The following CUX1 variants were observed in gnomAD, a reference collection of about 807,000 sequenced individuals.
CUX1 encodes the protein protein CASP.
A neutral mutation model predicts 158.8 loss-of-function variants in CUX1; 31 were observed. The observed-to-expected ratio is 0.20, with a 90% CI of 0.15 to 0.26. The LOEUF (loss-of-function observed/expected upper bound fraction) is 0.26, where lower values mean the gene tolerates loss of function less well. Among genes scored for constraint, CUX1 ranks in the 10% least tolerant of loss-of-function variants. The pLI is 1.00. For synonymous variants in CUX1, 879 were observed against 862.1 expected (o/e 1.02, Z -0.34); for missense variants, 1,589 against 2,014.6 (o/e 0.79, Z 4.04).
At chr7:101,848,502 G>T (rs1429164648) in intron 1 of CUX1, among the ~76,000 whole-genome samples, 1 of 152,150 alleles carries the variant, frequency 6.6e-6, no homozygotes, top group African/African-American at 2.4e-5. Context: ...AAAAGAATTT[G>T]TTGGGCGAGG....
At chr7:102,010,751 C>T (rs370016937) in intron 2 of CUX1, among the ~76,000 whole-genome samples, 1 of 152,230 alleles carries the variant, frequency 6.6e-6, no homozygotes. Context: ...GGCGTGAGGA[C>T]CACGCTAAAA....
At chr7:102,237,352 C>T (rs1261109167) in intron 22 of CUX1, among the ~76,000 whole-genome samples, 3 of 151,606 alleles carry the variant, frequency 2.0e-5, no homozygotes, top group African/African-American at 4.8e-5. Flanking sequence ...CCCAGCTACT[C>T]GGGTGCACGC....
intron 1 of CUX1, among the ~76,000 whole-genome samples, chr7:101,849,954 T>C (rs999382268): frequency 2.7e-5 from 4 of 146,400 alleles, no homozygotes; most frequent in African/African-American, 7.7e-5. Flanking sequence ...GGTCTCACTC[T>C]GTCGCCCAGG....
intron 11 of CUX1, 41 bp from the exon 12 acceptor site, chr7:102,189,772 T>C: frequency 6.2e-7 from 1 of 1,609,676 alleles, no homozygotes; most frequent in South Asian, 1.1e-5. Flanking sequence ...GTCGACCTGT[T>C]GTCAGGCATG....
At chr7:102,027,790 A>G (rs1176681046) in intron 2 of CUX1, among the ~76,000 whole-genome samples, 3 of 152,200 alleles carry the variant, frequency 2.0e-5, no homozygotes, top group Non-Finnish European at 4.4e-5. Flanking sequence ...CTAGCCCAGG[A>G]GGCAGAGGTT....
intron 9 of CUX1, among the ~76,000 whole-genome samples, chr7:102,159,554 T>A (rs1171802628): frequency 2.0e-5 from 3 of 152,226 alleles, no homozygotes; most frequent in African/African-American, 7.2e-5. Context: ...GTGCTGCTGT[T>A]GCTCTGAAAA....
intron 3 of CUX1, among the ~76,000 whole-genome samples, chr7:102,069,034 C>T (rs916411075): frequency 1.3e-5 from 2 of 152,150 alleles, no homozygotes; most frequent in Admixed American, 6.6e-5. Flanking sequence ...TCCCCGGGAC[C>T]GTCCTCAATT....
intron 21 of CUX1, among the ~76,000 whole-genome samples, chr7:102,231,602 G>A (rs1798997333): frequency 6.6e-6 from 1 of 152,072 alleles, no homozygotes; most frequent in East Asian, 1.9e-4. Context: ...TCAGCTGGGA[G>A]GCCTAAGCAA....
intron 20 of CUX1, among the ~76,000 whole-genome samples, chr7:102,207,154 T>C (rs1554521784): frequency 6.6e-6 from 1 of 152,176 alleles, no homozygotes; most frequent in Non-Finnish European, 1.5e-5. Context: ...ATTGACTTTA[T>C]AGAATAAAGT....
chr7:101,962,456 C>G (rs887510846), intron 2 of CUX1, among the ~76,000 whole-genome samples: 1 of 152,150 alleles, frequency 6.6e-6, no homozygotes, highest in African/African-American at 2.4e-5. Context: ...TTCTATTTAG[C>G]GAAGGTTTTT....
At chr7:102,113,099 A>G (rs1831097853) in intron 7 of CUX1, among the ~76,000 whole-genome samples, 1 of 152,242 alleles carries the variant, frequency 6.6e-6, no homozygotes, top group Admixed American at 6.5e-5. Flanking sequence ...AGCAAGGGAT[A>G]TGAACAGTCA....
At chr7:102,082,754 T>C (rs912944620) in intron 4 of CUX1, among the ~76,000 whole-genome samples, 1 of 147,428 alleles carries the variant, frequency 6.8e-6, no homozygotes, top group Non-Finnish European at 1.5e-5. Context: ...GCGCGGTGTT[T>C]TGGGATTCAT....
chr7:102,193,191 T>G (rs1160449108), intron 12 of CUX1, among the ~76,000 whole-genome samples: 1 of 152,250 alleles, frequency 6.6e-6, no homozygotes, highest in African/African-American at 2.4e-5. Flanking sequence ...GCCGCCCTGG[T>G]GGGTTCCCCT....
In CUX1 at chr7:102,201,447, T is replaced by C. The variant is rs1554519675; in HGVS notation, c.2150T>C (p.Met717Thr). 6 of 1,613,964 alleles carry C rather than the reference T, an allele frequency of 3.7e-6. No individual in the cohort carries two copies. Among genetic ancestry groups the C allele is most frequent in the Admixed American group, 1.7e-5 (1 of 59,998 alleles). The change falls in exon 18 of 24, where the codon ATG becomes ACG. Residue 717 changes from methionine (M) to threonine (T), a missense_variant. By Grantham distance (81) the Met-to-Thr change is moderately conservative. Transcript: ENST00000292535. The surrounding 1 kb of genome is among the most constrained non-coding windows in gnomAD (Gnocchi z 5.0). ...RSILQQARREMEAQQAALDPA... is the reference protein window; with the variant it reads ...RSILQQARRETEAQQAALDPA... ...ATCCTGCAGCAAGCCCGCCGGGAGATGGAGGCCCAGCAGGCTGCCCTCGAC... is the reference window on the plus strand; with the variant it reads ...ATCCTGCAGCAAGCCCGCCGGGAGACGGAGGCCCAGCAGGCTGCCCTCGAC...
At chr7:101,926,597 C>T (rs1390406873) in intron 2 of CUX1, among the ~76,000 whole-genome samples, 1 of 152,142 alleles carries the variant, frequency 6.6e-6, no homozygotes, top group Non-Finnish European at 1.5e-5. Context: ...AGAAACTTAA[C>T]CCCAGTTTCT....
At chr7:101,934,561 G>C (rs149564921) in intron 2 of CUX1, among the ~76,000 whole-genome samples, 1 of 152,164 alleles carries the variant, frequency 6.6e-6, no homozygotes, top group Non-Finnish European at 1.5e-5. Context: ...TCTCAGCCCC[G>C]AGCCTCTCAT....
At chr7:101,982,210 A>T (rs1464807022) in intron 2 of CUX1, among the ~76,000 whole-genome samples, 1 of 152,146 alleles carries the variant, frequency 6.6e-6, no homozygotes, top group Non-Finnish European at 1.5e-5. Flanking sequence ...CTTCCTCCAT[A>T]GCTGTGACTG....
downstream of CUX1, among the ~76,000 whole-genome samples, chr7:102,263,162 T>G (rs919984300): frequency 4.5e-5 from 6 of 133,772 alleles, no homozygotes; most frequent in Non-Finnish European, 9.7e-5. Flanking sequence ...TACAGGTGCA[T>G]GCCACCACGT....
chr7:102,103,090 C>A (rs1408182882), intron 5 of CUX1, among the ~76,000 whole-genome samples: 2 of 152,200 alleles, frequency 1.3e-5, no homozygotes, highest in Non-Finnish European at 2.9e-5. Context: ...CCTGCGCTTT[C>A]CCAAGACAGC....
Sources: allele counts gnomAD v4.1 joint callset (sites outside exome capture counted in the v4.1 genomes callset), GRCh38; gene constraint gnomAD v4.1.1; non-coding constraint Gnocchi (gnomAD v3.1); transcripts MANE v1.5; gene names NCBI Gene and HGNC (gene_info 2026-07-23, HGNC 2026-07-21).